Variants in ULK4 observed in about 807,000 individuals in gnomAD.
ULK4 encodes the protein inactive serine/threonine-protein kinase ULK4.
ULK4 carries 133 observed loss-of-function variants against 160.6 expected under a neutral mutation model. The ratio of observed to expected loss-of-function variants is 0.83; its 90% CI spans 0.72 to 0.96. ULK4 has a LOEUF of 0.96. Among genes scored for constraint, ULK4 ranks in the 40% least tolerant of loss-of-function variants. The pLI is 0.00. For synonymous variants in ULK4, 534 were observed against 539.8 expected (o/e 0.99, Z 0.15); for missense variants, 1,580 against 1,499.5 (o/e 1.05, Z -0.89).
intron 35 of ULK4, among the ~76,000 whole-genome samples, chr3:41,348,872 T>C (rs920775364): frequency 6.6e-6 from 1 of 152,274 alleles, no homozygotes; most frequent in South Asian, 2.1e-4. Flanking sequence ...TCCTTAATTC[T>C]TAGCTTCTGG....
chr3:41,328,650 C>G (rs72864915), intron 35 of ULK4, among the ~76,000 whole-genome samples: 23,500 of 152,092 alleles, frequency 0.15, 2,182 homozygotes, highest in African/African-American at 0.25. Flanking sequence ...CCAATATAAA[C>G]TCTTGAAAGG....
intron 5 of ULK4, among the ~76,000 whole-genome samples, chr3:41,929,313 A>T (rs952533687): frequency 2.0e-5 from 3 of 152,224 alleles, no homozygotes. Flanking sequence ...AAAAACTCTC[A>T]ATAAACTTGG....
chr3:41,633,441 T>C (rs1357311463), intron 30 of ULK4, among the ~76,000 whole-genome samples: 2 of 152,156 alleles, frequency 1.3e-5, no homozygotes, highest in South Asian at 4.1e-4. Flanking sequence ...CAGAGTTAAG[T>C]AGCTGTAACA....
chr3:41,647,675 C>A (rs879899764), intron 30 of ULK4, among the ~76,000 whole-genome samples: 17 of 152,332 alleles, frequency 1.1e-4, no homozygotes, highest in African/African-American at 3.4e-4. Flanking sequence ...GCAGTCTGCC[C>A]GTTCTCAGAT....
chr3:41,473,594 G>A (rs6804690), intron 32 of ULK4, among the ~76,000 whole-genome samples: 48,739 of 147,864 alleles, frequency 0.33, 8,304 homozygotes, highest in South Asian at 0.38. Flanking sequence ...CCTGGTAGGC[G>A]GAGGTTGCAG....
intron 31 of ULK4, among the ~76,000 whole-genome samples, chr3:41,613,875 C>T (rs1330913194): frequency 6.6e-6 from 1 of 152,198 alleles, no homozygotes; most frequent in Non-Finnish European, 1.5e-5. Context: ...CCATCCCTGA[C>T]ATGCCTGCAA....
chr3:41,579,482 AATATTTT>A (rs2030060016), intron 31 of ULK4, among the ~76,000 whole-genome samples: 3 of 129,130 alleles, frequency 2.3e-5, no homozygotes, highest in East Asian at 2.3e-4. Flanking sequence ...ATCTGGAACT[AATATTTT>A]TTTTTTTTTT....
chr3:41,506,901 A>G (rs78358855), intron 32 of ULK4, among the ~76,000 whole-genome samples: 285 of 147,546 alleles, frequency 1.9e-3, no homozygotes, highest in East Asian at 0.012. Context: ...CAGAATGCGC[A>G]TTGGCGGGTA....
intron 22 of ULK4, among the ~76,000 whole-genome samples, chr3:41,726,982 A>G (rs1038327479): frequency 2.6e-5 from 4 of 152,196 alleles, no homozygotes; most frequent in Non-Finnish European, 5.9e-5. Context: ...TCCCCAGGAC[A>G]TACCCATTTC....
intron 29 of ULK4, among the ~76,000 whole-genome samples, chr3:41,671,807 T>C (rs1420186566): frequency 1.3e-5 from 2 of 152,088 alleles, no homozygotes; most frequent in African/African-American, 4.8e-5. Flanking sequence ...AGAAAATATT[T>C]GCAAACTACA....
chr3:41,644,911 T>C (rs186624439), intron 30 of ULK4, among the ~76,000 whole-genome samples: 56 of 152,296 alleles, frequency 3.7e-4, no homozygotes, highest in African/African-American at 1.1e-3. Flanking sequence ...TTCTTCCTGG[T>C]TTAGTCTTGG....
At chr3:41,941,549 C>T (rs546422478) in intron 2 of ULK4, among the ~76,000 whole-genome samples, 83 of 150,738 alleles carry the variant, frequency 5.5e-4, no homozygotes, top group African/African-American at 2.0e-3. Flanking sequence ...AAAAGCAGAG[C>T]GACCAAGAGA....
chr3:41,362,596 G>C (rs1226148784), intron 35 of ULK4, among the ~76,000 whole-genome samples: 2 of 152,136 alleles, frequency 1.3e-5, no homozygotes, highest in African/African-American at 4.8e-5. Flanking sequence ...TTATGCCTCA[G>C]ATTTTATAAC....
At chr3:41,855,455 C>T (rs1297594912) in intron 17 of ULK4, among the ~76,000 whole-genome samples, 1 of 152,142 alleles carries the variant, frequency 6.6e-6, no homozygotes, top group Non-Finnish European at 1.5e-5. Flanking sequence ...TTATATGACA[C>T]ACATTTTGAA....
Position 41,916,189 on chromosome 3 carries a change from TAAC to T in ULK4, c.728-140_728-138del, listed in dbSNP as rs769309167. 14 of 571,670 alleles carry T rather than the reference TAAC, an allele frequency of 2.4e-5. No homozygotes were observed. In the Admixed American group the frequency reaches 3.8e-4, roughly 16 times the overall value. 35.4% of individuals were successfully genotyped at this position (571,670 alleles called of 1,614,324 possible). ...ATTATTAAGAGAACACTAAATCCAT[TAAC>T]AACAATTATATCCTCTATTTAATGG... On this transcript the variant is annotated intron_variant, in intron 7 of 36. Coordinates refer to ENST00000301831, the MANE Select transcript of ULK4 (RefSeq NM_017886.4).
At chr3:41,357,020 G>A (rs572558337) in intron 35 of ULK4, among the ~76,000 whole-genome samples, 3 of 152,282 alleles carry the variant, frequency 2.0e-5, no homozygotes, top group East Asian at 1.9e-4. Context: ...GTGGAATCTC[G>A]ACTCTAAGCC....
intron 29 of ULK4, among the ~76,000 whole-genome samples, chr3:41,674,949 G>A (rs2035659314): frequency 6.6e-6 from 1 of 152,036 alleles, no homozygotes; most frequent in African/African-American, 2.4e-5. Flanking sequence ...TTTAGAAAAA[G>A]GGTTTCTAGC....
At chr3:41,687,227 G>A (rs886667199) in intron 27 of ULK4, among the ~76,000 whole-genome samples, 70 of 152,138 alleles carry the variant, frequency 4.6e-4, no homozygotes, top group African/African-American at 1.6e-3. Flanking sequence ...ACAAAAATTA[G>A]CTGGGTATGG....
intron 19 of ULK4, among the ~76,000 whole-genome samples, chr3:41,803,341 T>C (rs2040527226): frequency 3.3e-5 from 5 of 152,160 alleles, no homozygotes; most frequent in Admixed American, 3.3e-4. Context: ...TAGACCATGT[T>C]CAGGGCCGTA....
Sources: allele counts gnomAD v4.1 joint callset (sites outside exome capture counted in the v4.1 genomes callset), GRCh38; gene constraint gnomAD v4.1.1; transcripts MANE v1.5; gene names NCBI Gene and HGNC (gene_info 2026-07-23, HGNC 2026-07-21).